Variants in FAM184B observed in about 807,000 individuals in gnomAD.
FAM184B encodes the protein family with sequence similarity 184 member B, also known as protein FAM184B.
A neutral mutation model predicts 135.9 loss-of-function variants in FAM184B; 111 were observed. The ratio of observed to expected loss-of-function variants is 0.82; its 90% CI spans 0.70 to 0.96. The LOEUF is 0.96. Among genes scored for constraint, FAM184B ranks in the 40% least tolerant of loss-of-function variants. The pLI is 0.00. For synonymous variants in FAM184B, 552 were observed against 524.8 expected (o/e 1.05, Z -0.71); for missense variants, 1,375 against 1,323.9 (o/e 1.04, Z -0.60).
At chr4:17,747,124 G>A (rs747296662) in intron 1 of FAM184B, among the ~76,000 whole-genome samples, 39 of 152,066 alleles carry the variant, frequency 2.6e-4, no homozygotes, top group Non-Finnish European at 4.6e-4. Flanking sequence ...TATTTCCTGG[G>A]TACGTATAAT....
chr4:17,748,505 AT>A (rs34998803), intron 1 of FAM184B, among the ~76,000 whole-genome samples: 17,705 of 96,942 alleles, frequency 0.18, 1,296 homozygotes, highest in South Asian at 0.21. Flanking sequence ...CTCTTGTGTA[AT>A]TTTTTTTTTT....
At chr4:17,771,934 C>G (rs1419689402) in intron 1 of FAM184B, among the ~76,000 whole-genome samples, 1 of 152,190 alleles carries the variant, frequency 6.6e-6, no homozygotes, top group African/African-American at 2.4e-5. Flanking sequence ...AACATATCAC[C>G]AAGGTGGAAA....
At chr4:17,710,613 T>C (rs562178681) in intron 1 of FAM184B, among the ~76,000 whole-genome samples, 1 of 152,324 alleles carries the variant, frequency 6.6e-6, no homozygotes, top group Middle Eastern at 3.4e-3. Context: ...TAAGACTAAA[T>C]GCTTCCCTCG....
chr4:17,638,798 T>G lies in FAM184B; in HGVS notation c.2666+452A>C, dbSNP rs150083739. On this transcript the variant is annotated intron_variant, in intron 14 of 17. Coordinates refer to ENST00000265018, the MANE Select transcript of FAM184B (RefSeq NM_015688.2). ...TGCAGAAAAGGGGAACATAGCCTCATAAAATGAAGGGAGACTGATGAGCCC... is the reference window on the plus strand; with the variant it reads ...TGCAGAAAAGGGGAACATAGCCTCAGAAAATGAAGGGAGACTGATGAGCCC... Among the ~76,000 whole-genome samples, 1,351 of 148,762 alleles carry G rather than the reference T, an allele frequency of 9.1e-3. 22 individuals carry two copies. Among genetic ancestry groups the G allele is most frequent in the African/African-American group, 0.034 (1,307 of 38,224 alleles).
intron 7 of FAM184B, among the ~76,000 whole-genome samples, chr4:17,685,508 C>T (rs1025407749): frequency 2.1e-5 from 3 of 142,278 alleles, no homozygotes; most frequent in Admixed American, 7.4e-5. Context: ...GAGATCATGC[C>T]ATTGCACTCC....
intron 8 of FAM184B, among the ~76,000 whole-genome samples, chr4:17,661,782 G>T (rs961850063): frequency 3.3e-5 from 5 of 152,208 alleles, no homozygotes; most frequent in African/African-American, 1.2e-4. Flanking sequence ...AAGAGTGAGA[G>T]GTGGCACCAC....
chr4:17,683,037 T>C lies in FAM184B; in HGVS notation c.1596+5387A>G, dbSNP rs532307448. On this transcript the variant is annotated intron_variant, in intron 7 of 17. Coordinates refer to ENST00000265018, the MANE Select transcript of FAM184B (RefSeq NM_015688.2). ...GCTTTACCTCTGCCCCTTGTACCAT[T>C]CTGTGTGGTTGCAGGTATGGCAGTA... 5.3e-5 allele frequency among the ~76,000 whole-genome samples: 8 copies of C among 152,310 alleles called. No homozygotes were observed. The South Asian group carries it at 1.7e-3, about 32-fold the overall frequency.
At chr4:17,687,929 C>T (rs1716625080) in intron 7 of FAM184B, among the ~76,000 whole-genome samples, 1 of 152,106 alleles carries the variant, frequency 6.6e-6, no homozygotes, top group Non-Finnish European at 1.5e-5. Context: ...GAGAACAATC[C>T]AACCCACCGT....
intron 7 of FAM184B, among the ~76,000 whole-genome samples, chr4:17,686,200 C>T (rs1177160428): frequency 6.6e-6 from 1 of 152,212 alleles, no homozygotes. Context: ...GGAATGCTAG[C>T]TCATGAGACT....
At chr4:17,753,846 G>A (rs1205394520) in intron 1 of FAM184B, among the ~76,000 whole-genome samples, 2 of 152,186 alleles carry the variant, frequency 1.3e-5, no homozygotes, top group Admixed American at 6.5e-5. Flanking sequence ...CACAGGGAAA[G>A]GGTATGCGAG....
intron 5 of FAM184B, among the ~76,000 whole-genome samples, chr4:17,703,347 A>C (rs894704436): frequency 6.6e-6 from 1 of 151,862 alleles, no homozygotes; most frequent in Non-Finnish European, 1.5e-5. Flanking sequence ...AAAATTTAAA[A>C]ATTAGCCAGG....
At chr4:17,633,387 T>C (rs1715023348) in intron 17 of FAM184B, 1 of 241,254 alleles carries the variant, frequency 4.1e-6, no homozygotes, top group African/African-American at 2.2e-5. Flanking sequence ...ATAGGTGCTG[T>C]ATTATCTTAA....
At chr4:17,691,217 G>A (rs1334988122) in intron 6 of FAM184B, among the ~76,000 whole-genome samples, 1 of 152,212 alleles carries the variant, frequency 6.6e-6, no homozygotes, top group African/African-American at 2.4e-5. Flanking sequence ...GCTATGCAAT[G>A]TTGGGAAAGT....
intron 1 of FAM184B, among the ~76,000 whole-genome samples, chr4:17,740,978 T>C (rs1026743512): frequency 6.6e-6 from 1 of 152,196 alleles, no homozygotes; most frequent in East Asian, 1.9e-4. Context: ...CCCAGTTTCT[T>C]AGTAAGGAGA....
At chr4:17,642,326 G>C in intron 12 of FAM184B, 98 bp from the exon 13 acceptor site, 1 of 1,377,678 alleles carries the variant, frequency 7.3e-7, no homozygotes, top group Non-Finnish European at 9.3e-7. Flanking sequence ...AGACCCACTG[G>C]CACCCCGCCC....
chr4:17,768,960 C>A (rs559826811), intron 1 of FAM184B, among the ~76,000 whole-genome samples: 12 of 151,974 alleles, frequency 7.9e-5, no homozygotes, highest in Non-Finnish European at 1.8e-4. Context: ...TGCGCCACCA[C>A]GTCTGGCTAA....
At position 17,693,389 on chromosome 4, in the gene FAM184B, T is replaced by C. The variant is rs1192799971; in HGVS notation, c.1401A>G (p.Glu467=). ...LQREVEAQLE[E]VRKKSEKEIK... ...TCTCCTTTTCTGATTTCTTCCTCAC[T>C]TCCTCCAACTGTGCTTCTACTTCCT... The change falls in exon 6 of 18, where the codon GAA becomes GAG. Residue 467 remains glutamate, a synonymous_variant. Coordinates refer to ENST00000265018, the MANE Select transcript of FAM184B (RefSeq NM_015688.2). The C allele has an allele frequency of 2.6e-6, 4 of 1,551,574 alleles. No homozygotes were observed. Among genetic ancestry groups the C allele is most frequent in the Non-Finnish European group, 2.6e-6 (3 of 1,147,000 alleles).
intron 16 of FAM184B, 163 bp from the exon 17 acceptor site, chr4:17,634,051 A>T (rs1362301538): frequency 4.0e-6 from 2 of 500,948 alleles, no homozygotes; most frequent in African/African-American, 4.0e-5. Flanking sequence ...TTTTCCCTCC[A>T]ATCTTCATTT....
intron 1 of FAM184B, among the ~76,000 whole-genome samples, chr4:17,743,640 T>C (rs1374557515): frequency 6.6e-6 from 1 of 152,184 alleles, no homozygotes; most frequent in Non-Finnish European, 1.5e-5. Flanking sequence ...TTCATCACAC[T>C]ATTCAACAAC....
Sources: allele counts gnomAD v4.1 joint callset (sites outside exome capture counted in the v4.1 genomes callset), GRCh38; gene constraint gnomAD v4.1.1; transcripts MANE v1.5; gene names NCBI Gene and HGNC (gene_info 2026-07-23, HGNC 2026-07-21).